The following ADORA2B variants were observed in gnomAD, a reference collection of about 807,000 sequenced individuals.
The protein encoded by ADORA2B is adenosine A2b receptor, also known as adenosine receptor A2b.
ADORA2B carries 18 observed loss-of-function variants against 20.8 expected under a neutral mutation model. The ratio of observed to expected loss-of-function variants is 0.87; its 90% confidence interval spans 0.60 to 1.29. The LOEUF is 1.29. Among genes scored for constraint, ADORA2B ranks in the 50% most tolerant of loss-of-function variants. The pLI is 0.00. For synonymous variants in ADORA2B, 179 were observed against 178.3 expected, an observed-to-expected ratio of 1.00 and a Z score of -0.03; for missense variants, 441 against 422.7, an observed-to-expected ratio of 1.04 and a Z score of -0.38.
the ADORA2B span, among the ~76,000 whole-genome samples, chr17:15,932,180 T>C: frequency 3.7e-4 from 57 of 152,176 alleles, no homozygotes; most frequent in Non-Finnish European, 7.8e-4. Flanking sequence ...ATCTGATTGC[T>C]TGGGTTTTTG....
chr17:15,966,576 G>A (rs1970119811), intron 1 of ADORA2B, among the ~76,000 whole-genome samples: 1 of 152,206 alleles, frequency 6.6e-6, no homozygotes, highest in African/African-American at 2.4e-5. Flanking sequence ...GTTTCCTTAC[G>A]TAACCTCAGT....
At chr17:15,912,083 G>A in the ADORA2B span, among the ~76,000 whole-genome samples, 1 of 152,178 alleles carries the variant, frequency 6.6e-6, no homozygotes, top group South Asian at 2.1e-4. Flanking sequence ...TGTGGTGGCA[G>A]GGGCCTGTGA....
the ADORA2B span, among the ~76,000 whole-genome samples, chr17:15,905,286 G>GA: frequency 1.3e-5 from 2 of 150,350 alleles, no homozygotes; most frequent in African/African-American, 2.4e-5. Flanking sequence ...GTTGTTGTTG[G>GA]GGGGGGGTTG....
At chr17:15,974,060 GA>G (rs34313150) in intron 1 of ADORA2B, 70,647 of 152,074 alleles carry the variant, frequency 0.46, 17,157 homozygotes, top group Middle Eastern at 0.58. Flanking sequence ...GTGATGGACA[GA>G]AAAAGGAAAA....
At chr17:15,945,657 G>T (rs550487634) in intron 1 of ADORA2B, 74 bp downstream of exon 1, 19 of 1,376,806 alleles carry the variant, frequency 1.4e-5, no homozygotes, top group Non-Finnish European at 1.7e-5. Context: ...CCAGGCCGGG[G>T]TTCCTCCCTC....
the ADORA2B span, among the ~76,000 whole-genome samples, chr17:15,915,995 C>T: frequency 6.6e-6 from 1 of 152,194 alleles, no homozygotes; most frequent in East Asian, 1.9e-4. Flanking sequence ...GATAGGTCTC[C>T]CCATTCTGCC....
the ADORA2B span, among the ~76,000 whole-genome samples, chr17:15,930,201 C>G: frequency 6.6e-6 from 1 of 151,314 alleles, no homozygotes; most frequent in Non-Finnish European, 1.5e-5. Flanking sequence ...TGTTGAGCCT[C>G]TTAGGAAGAA....
chr17:15,897,532 C>T, the ADORA2B span, among the ~76,000 whole-genome samples: 1 of 152,160 alleles, frequency 6.6e-6, no homozygotes, highest in African/African-American at 2.4e-5. Context: ...CACCCCACTG[C>T]ACTCCAGCCT....
the ADORA2B span, among the ~76,000 whole-genome samples, chr17:15,860,629 C>T: frequency 2.0e-5 from 3 of 152,138 alleles, no homozygotes; most frequent in East Asian, 5.8e-4. Flanking sequence ...GGTTGATTTG[C>T]ATATAGATCC....
the ADORA2B span, among the ~76,000 whole-genome samples, chr17:15,903,061 ATGAGTAGTTATTAAAAGATT>A: frequency 6.6e-6 from 1 of 152,244 alleles, no homozygotes; most frequent in African/African-American, 2.4e-5. Flanking sequence ...GTGTTTCACA[ATGAGTAGTTATTAAAAGATT>A]GGAAGTAATT....
chr17:15,974,302 T>C (rs1970220979), intron 1 of ADORA2B: 1 of 178,304 alleles, frequency 5.6e-6, no homozygotes, highest in Admixed American at 5.5e-5. Context: ...AGCTTTAGGC[T>C]AAACTTGATT....
chr17:15,891,487 T>G, the ADORA2B span, among the ~76,000 whole-genome samples: 2 of 152,176 alleles, frequency 1.3e-5, no homozygotes, highest in African/African-American at 2.4e-5. Context: ...CATGCTGAGC[T>G]TCAGGGAGGA....
At chr17:15,902,975 G>A in the ADORA2B span, among the ~76,000 whole-genome samples, 7 of 152,140 alleles carry the variant, frequency 4.6e-5, no homozygotes, top group Non-Finnish European at 2.9e-5. Flanking sequence ...GATCTGGGAG[G>A]TGATTATATA....
intron 1 of ADORA2B, among the ~76,000 whole-genome samples, chr17:15,953,971 T>A (rs915060203): frequency 2.0e-5 from 3 of 151,588 alleles, no homozygotes; most frequent in African/African-American, 7.3e-5. Flanking sequence ...TGTTAAGGTT[T>A]ATACCATTTA....
At chr17:15,887,452 A>G in the ADORA2B span, among the ~76,000 whole-genome samples, 24,114 of 130,262 alleles carry the variant, frequency 0.19, 7,570 homozygotes, top group African/African-American at 0.39. Flanking sequence ...AAGTTTAAAG[A>G]AAGAGTGCTG....
intron 1 of ADORA2B, among the ~76,000 whole-genome samples, chr17:15,960,719 C>CA (rs1043965723): frequency 2.1e-5 from 3 of 144,702 alleles, no homozygotes; most frequent in Admixed American, 6.9e-5. Context: ...AAAACACACA[C>CA]AAAAAAATTA....
the ADORA2B span, among the ~76,000 whole-genome samples, chr17:15,879,407 C>A: frequency 6.6e-6 from 1 of 151,844 alleles, no homozygotes; most frequent in African/African-American, 2.4e-5. Flanking sequence ...GAGCTGTGAT[C>A]ATGCCACTGC....
At chr17:15,967,523 G>C (rs1381314368) in intron 1 of ADORA2B, among the ~76,000 whole-genome samples, 1 of 152,082 alleles carries the variant, frequency 6.6e-6, no homozygotes, top group African/African-American at 2.4e-5. Context: ...GAGCCACCGC[G>C]CCCAGCCAAA....
chr17:15,863,849 C>T, the ADORA2B span, among the ~76,000 whole-genome samples: 2 of 152,224 alleles, frequency 1.3e-5, no homozygotes, highest in Non-Finnish European at 2.9e-5. Context: ...TCCCCAGACT[C>T]ATGACAGTCA....
Sources: allele counts gnomAD v4.1 joint callset (sites outside exome capture counted in the v4.1 genomes callset), GRCh38; gene constraint gnomAD v4.1.1; transcripts MANE v1.5; gene names NCBI Gene and HGNC (gene_info 2026-07-23, HGNC 2026-07-21).